SUCO: variants seen among roughly 807,000 people sequenced by gnomAD.
The protein encoded by SUCO is SUN domain-containing ossification factor.
In SUCO, 57 loss-of-function variants were observed where a neutral mutation model predicts 148.1. That is an observed-to-expected ratio of 0.38 (90% confidence interval 0.31 to 0.48). The LOEUF (loss-of-function observed/expected upper bound fraction) is 0.48, where lower values mean the gene tolerates loss of function less well. Ranked by LOEUF, SUCO falls within the 20% of genes least tolerant of loss-of-function variation. SUCO has a pLI of 0.96. For missense variants in SUCO, 1,331 were observed against 1,468.2 expected (o/e 0.91, Z 1.53); for synonymous variants, 470 against 502.7 (o/e 0.93, Z 0.87).
intron 6 of SUCO, among the ~76,000 whole-genome samples, chr1:172,564,148 A>G (rs1163925733): frequency 6.6e-6 from 1 of 152,274 alleles, no homozygotes; most frequent in Non-Finnish European, 1.5e-5. Flanking sequence ...CTGCAGGGAC[A>G]GAGCCGTCAT....
chr1:172,555,994 C>T lies in SUCO; in HGVS notation c.414C>T (p.Thr138=), dbSNP rs761468982. The change falls in exon 4 of 24, where the codon ACC becomes ACT. Residue 138 remains threonine (T), a synonymous_variant. Coordinates refer to ENST00000263688, the MANE Select transcript of SUCO (RefSeq NM_014283.5). ...TTGAAAATATTTCCAGCTCATCTAC[C>T]TCAGAAATCACTCCAATCTCAAAGC... is the stretch of plus-strand genomic sequence containing the variant. ...ETVENISSSS[T]SEITPISKLD... 7 of 1,612,738 alleles carry T rather than the reference C, an allele frequency of 4.3e-6. No individual in the cohort carries two copies. The highest frequency in any genetic ancestry group is 3.3e-5 in the South Asian group (3 of 90,994).
At chr1:172,575,708 C>A (rs936552305) in intron 11 of SUCO, 85 bp downstream of exon 11, 6 of 910,920 alleles carry the variant, frequency 6.6e-6, no homozygotes, top group Non-Finnish European at 8.5e-6. Context: ...TTTTAGAAAT[C>A]AGAAAAGTTA....
chr1:172,610,472 A>G lies in SUCO; in HGVS notation c.*213A>G, dbSNP rs1249603121. On this transcript the variant is annotated 3_prime_UTR_variant, in exon 24 of 24. Transcript: ENST00000263688. ...AAGCTGATCACTTCCTATAAGGACA[A>G]TGGTAGACATTTTATAAAGATGTTT... 3 of 564,870 alleles carry G rather than the reference A, an allele frequency of 5.3e-6. No individual in the cohort carries two copies. Among genetic ancestry groups the G allele is most frequent in the South Asian group, 5.6e-5 (1 of 17,844 alleles). 35.0% of individuals were successfully genotyped at this position (564,870 alleles called of 1,614,324 possible). A position where few individuals can be genotyped will look rare whatever the true frequency, so the allele number is the denominator to read the frequency against.
At chr1:172,532,984 C>A, upstream of SUCO, 2 of 1,389,348 alleles carry the variant, frequency 1.4e-6, no homozygotes, top group Non-Finnish European at 9.4e-7. Context: ...TGCGCAGAGG[C>A]TGGTGGGGGT....
intron 22 of SUCO, 175 bp downstream of exon 22, chr1:172,602,962 G>C (rs974542094): frequency 8.9e-6 from 5 of 563,586 alleles, no homozygotes; most frequent in Non-Finnish European, 1.5e-5. Flanking sequence ...ATCTGTCTTT[G>C]TTCCTAAAAG....
intron 20 of SUCO, 33 bp downstream of exon 20, chr1:172,600,201 T>C (rs773728477): frequency 3.5e-6 from 5 of 1,433,908 alleles, no homozygotes; most frequent in African/African-American, 1.4e-5. Context: ...CGAGACCCAA[T>C]GCATGTATAG....
At chr1:172,542,006 T>G in intron 1 of SUCO, 1 of 191,208 alleles carries the variant, frequency 5.2e-6, no homozygotes, top group Non-Finnish European at 9.6e-6. Context: ...GGGAAGGAGC[T>G]GTTAGTTGGA....
intron 20 of SUCO, 91 bp from the exon 21 acceptor site, chr1:172,601,973 T>G: frequency 7.7e-7 from 1 of 1,294,228 alleles, no homozygotes; most frequent in Non-Finnish European, 1.0e-6. Context: ...AAAAAATACT[T>G]AAAATGATTT....
chr1:172,534,096 T>C (rs1651835193), intron 1 of SUCO, among the ~76,000 whole-genome samples: 1 of 152,138 alleles, frequency 6.6e-6, no homozygotes, highest in South Asian at 2.1e-4. Flanking sequence ...GGAGAGGGTG[T>C]CTTAGATGTA....
intron 23 of SUCO, 32 bp from the exon 24 acceptor site, chr1:172,609,784 C>G: frequency 1.3e-6 from 2 of 1,565,616 alleles, no homozygotes; most frequent in Non-Finnish European, 8.6e-7. Flanking sequence ...TGGGAAGTAT[C>G]ATTACTAACT....
At chr1:172,583,720 TA>T (rs1353068184) in intron 15 of SUCO, among the ~76,000 whole-genome samples, 2 of 152,192 alleles carry the variant, frequency 1.3e-5, no homozygotes. Context: ...CAGATCTTAG[TA>T]TTTTAATAGT....
At chr1:172,581,302 T>C (rs1456625514) in intron 15 of SUCO, among the ~76,000 whole-genome samples, 1 of 152,160 alleles carries the variant, frequency 6.6e-6, no homozygotes, top group African/African-American at 2.4e-5. Context: ...AAGGTTATCT[T>C]CCAGTGTTCT....
At chr1:172,569,499 C>G in intron 7 of SUCO, 1 of 982,452 alleles carries the variant, frequency 1.0e-6, no homozygotes, top group South Asian at 4.7e-5. Context: ...TATTCTTTAA[C>G]TTACCAAAAG....
chr1:172,547,742 A>G (rs1652970523), intron 1 of SUCO, among the ~76,000 whole-genome samples: 1 of 152,210 alleles, frequency 6.6e-6, no homozygotes, highest in Non-Finnish European at 1.5e-5. Context: ...ATTCTAAAAA[A>G]GACATTGGAT....
chr1:172,555,945 A>G lies in SUCO; in HGVS notation c.365A>G (p.Asn122Ser), dbSNP rs202030341. ...GTTGATTTGCATGAAGAGTCTTCCA[A>G]TGCAGTTGTGGACAGTGAAACTGTT... Reference protein sequence around the residue: ...PTVDLHEESSNAVVDSETVEN... With the variant: ...PTVDLHEESSSAVVDSETVEN... Residue 122 changes from asparagine (N) to serine (S), a missense_variant, in exon 4 of 24, where the codon AAT becomes AGT. Around this residue, in one of 3 missense-constraint regions of SUCO, gnomAD observed 992 missense variants for 1,093.5 expected, o/e 0.91. Coordinates refer to ENST00000263688, the MANE Select transcript of SUCO (RefSeq NM_014283.5). 59 of 1,613,518 alleles carry G rather than the reference A, an allele frequency of 3.7e-5. No homozygotes were observed. The highest frequency in any genetic ancestry group is 6.7e-5 in the East Asian group (3 of 44,874).
At chr1:172,579,468 C>T (rs529139929) in intron 15 of SUCO, among the ~76,000 whole-genome samples, 12 of 152,064 alleles carry the variant, frequency 7.9e-5, no homozygotes, top group South Asian at 2.1e-4. Context: ...CAAATGCAAT[C>T]GTAATAAAGG....
At chr1:172,556,990 G>A (rs1571205452) in intron 4 of SUCO, 1 of 978,910 alleles carries the variant, frequency 1.0e-6, no homozygotes, top group Non-Finnish European at 1.2e-6. Flanking sequence ...TTTAATGCTG[G>A]TAGAATTAGT....
chr1:172,543,226 C>T (rs1273649657), intron 1 of SUCO, among the ~76,000 whole-genome samples: 3 of 152,176 alleles, frequency 2.0e-5, no homozygotes, highest in African/African-American at 7.2e-5. Context: ...TGCAGTCTGA[C>T]CCACACTTAC....
At chr1:172,580,462 A>G (rs1655802238) in intron 15 of SUCO, among the ~76,000 whole-genome samples, 1 of 152,148 alleles carries the variant, frequency 6.6e-6, no homozygotes, top group Non-Finnish European at 1.5e-5. Flanking sequence ...AGTCTTATTC[A>G]CTGCTATGTG....
Sources: allele counts gnomAD v4.1 joint callset (sites outside exome capture counted in the v4.1 genomes callset), GRCh38; gene constraint gnomAD v4.1.1; regional missense constraint gnomAD v4.1.1; transcripts MANE v1.5; gene names NCBI Gene and HGNC (gene_info 2026-07-23, HGNC 2026-07-21).